Variants in NR6A1 observed in about 807,000 individuals in gnomAD.
NR6A1 encodes the protein retinoic acid receptor-related testis-associated receptor.
Under a neutral mutation model 59.1 loss-of-function variants are expected in NR6A1, and 7 were observed. The observed-to-expected ratio is 0.12, with a 90% confidence interval of 0.07 to 0.22. The LOEUF (loss-of-function observed/expected upper bound fraction) is 0.22, where lower values mean the gene tolerates loss of function less well. Among genes scored for constraint, NR6A1 ranks in the 10% least tolerant of loss-of-function variants. NR6A1 has a pLI of 1.00. For missense variants in NR6A1, 468 were observed against 611.6 expected (o/e 0.77, Z 2.48); for synonymous variants, 243 against 236.1 (o/e 1.03, Z -0.27).
At chr9:124,706,308 G>GA (rs1189676076) in intron 2 of NR6A1, among the ~76,000 whole-genome samples, 1 of 152,048 alleles carries the variant, frequency 6.6e-6, no homozygotes, top group African/African-American at 2.4e-5. Context: ...AAATTGAGAA[G>GA]AAAAAACATA....
chr9:124,570,134 T>C (rs1043822821), intron 2 of NR6A1, among the ~76,000 whole-genome samples: 1 of 152,254 alleles, frequency 6.6e-6, no homozygotes, highest in African/African-American at 2.4e-5. Flanking sequence ...GTTCACCTTA[T>C]CTTAAGTAAA....
At chr9:124,769,746 G>C (rs1442190856) in intron 1 of NR6A1, among the ~76,000 whole-genome samples, 2 of 152,208 alleles carry the variant, frequency 1.3e-5, no homozygotes, top group African/African-American at 2.4e-5. Flanking sequence ...GTGGAAAACA[G>C]GGCAAATAAA....
At chr9:124,739,749 T>G (rs141440117) in intron 1 of NR6A1, among the ~76,000 whole-genome samples, 1 of 152,236 alleles carries the variant, frequency 6.6e-6, no homozygotes, top group African/African-American at 2.4e-5. Context: ...AAATTTACCA[T>G]GACAGAAACT....
At chr9:124,598,775 C>A in intron 2 of NR6A1, 1 of 916,884 alleles carries the variant, frequency 1.1e-6, no homozygotes, top group South Asian at 1.3e-5. Context: ...CTAGCTTTTC[C>A]GCCACTTTTT....
intron 2 of NR6A1, among the ~76,000 whole-genome samples, chr9:124,700,997 G>A (rs774962778): frequency 3.9e-5 from 6 of 152,058 alleles, no homozygotes; most frequent in Non-Finnish European, 7.3e-5. Context: ...CTGACCTCAG[G>A]TGACCCACCC....
chr9:124,584,044 T>C (rs1269743705), intron 2 of NR6A1, among the ~76,000 whole-genome samples: 1 of 151,716 alleles, frequency 6.6e-6, no homozygotes, highest in Non-Finnish European at 1.5e-5. Context: ...CTAGTGAACA[T>C]CAGTTGAATG....
chr9:124,583,608 G>C (rs944598943), intron 2 of NR6A1, among the ~76,000 whole-genome samples: 1 of 152,140 alleles, frequency 6.6e-6, no homozygotes, highest in African/African-American at 2.4e-5. Context: ...GTTCTCTCTA[G>C]GGTTTCCCTT....
intron 1 of NR6A1, among the ~76,000 whole-genome samples, chr9:124,736,599 T>C (rs1186795087): frequency 6.6e-6 from 1 of 152,062 alleles, no homozygotes; most frequent in Non-Finnish European, 1.5e-5. Context: ...ATCCCAGCAC[T>C]TTGGGAAGCC....
rs974374962 is a variant in NR6A1 at position 124,771,135 on chromosome 9, G to A, written c.-16C>T. ...CCCGCTCCATGCGGTGGTGCCTAGGGTCCGCGCCGGGTTTGTTGCTCCGCC... is the reference window on the plus strand; with the variant it reads ...CCCGCTCCATGCGGTGGTGCCTAGGATCCGCGCCGGGTTTGTTGCTCCGCC... On this transcript the variant is annotated 5_prime_UTR_variant, in exon 1 of 10. Transcript: ENST00000487099. The A allele has an allele frequency of 8.2e-6, 10 of 1,213,890 alleles. No individual in the cohort carries two copies. Among genetic ancestry groups the A allele is most frequent in the Middle Eastern group, 2.8e-4 (1 of 3,634 alleles). 75.2% of individuals were successfully genotyped at this position (1,213,890 alleles called of 1,614,324 possible).
Position 124,634,528 on chromosome 9 carries a change from A to T in NR6A1, c.143-79958T>A, listed in dbSNP as rs528165219. ...TTTTCTTGCTTTTATTTTTTTTAAGAGACTTTATTTCTGCCGGGCACGGTA... is the reference window on the plus strand; with the variant it reads ...TTTTCTTGCTTTTATTTTTTTTAAGTGACTTTATTTCTGCCGGGCACGGTA... On this transcript the variant is annotated intron_variant, in intron 2 of 9. Transcript: ENST00000487099. 6.6e-5 allele frequency among the ~76,000 whole-genome samples: 10 copies of T among 151,940 alleles called. No homozygotes were observed. In the East Asian group the frequency reaches 1.9e-3, roughly 29 times the overall value.
chr9:124,757,035 C>T (rs1188609136), intron 1 of NR6A1, among the ~76,000 whole-genome samples: 1 of 151,844 alleles, frequency 6.6e-6, no homozygotes, highest in African/African-American at 2.4e-5. Flanking sequence ...TCTCTCACCC[C>T]AAAATGATAA....
intron 7 of NR6A1, among the ~76,000 whole-genome samples, chr9:124,531,433 C>G (rs150027441): frequency 2.2e-4 from 34 of 152,292 alleles, no homozygotes; most frequent in African/African-American, 7.5e-4. Flanking sequence ...AAAGCCTTTC[C>G]ATGACAGCAG....
chr9:124,531,154 T>C (rs1194058772), intron 7 of NR6A1, among the ~76,000 whole-genome samples: 2 of 152,240 alleles, frequency 1.3e-5, no homozygotes, highest in African/African-American at 4.8e-5. Context: ...GCAGGGAAGC[T>C]GGGAGGCAAC....
rs936098254 is a variant in NR6A1, at chr9:124,728,354, G to A, written c.142+4954C>T. Among the ~76,000 whole-genome samples the A allele has an allele frequency of 2.2e-4, 33 of 151,866 alleles. 1 individual carries two copies. Among genetic ancestry groups the A allele is most frequent in the Admixed American group, 1.7e-3 (26 of 15,264 alleles). On this transcript the variant is annotated intron_variant, in intron 2 of 9. Transcript: ENST00000487099. ...ATGACTTCATTTTTAAAGTACTTGC[G>A]GCCAGGCACGGTGGCTCACGCCTGT...
intron 4 of NR6A1, 137 bp from the exon 5 acceptor site, chr9:124,540,324 T>C: frequency 2.2e-6 from 2 of 928,366 alleles, no homozygotes; most frequent in Non-Finnish European, 3.2e-6. Context: ...ATTCCGGGCC[T>C]CTCACTAATC....
chr9:124,647,653 G>A (rs2130914474), intron 2 of NR6A1, among the ~76,000 whole-genome samples: 1 of 151,022 alleles, frequency 6.6e-6, no homozygotes, highest in Non-Finnish European at 1.5e-5. Flanking sequence ...CTTGAACCTG[G>A]GAATCGGAGG....
At chr9:124,674,622 T>C (rs1837897890) in intron 2 of NR6A1, among the ~76,000 whole-genome samples, 1 of 152,134 alleles carries the variant, frequency 6.6e-6, no homozygotes, top group South Asian at 2.1e-4. Context: ...ATAACAGAGG[T>C]ACACATGCTT....
At chr9:124,599,574 CCGCCATGAGGG>C in intron 2 of NR6A1, 4 of 1,053,868 alleles carry the variant, frequency 3.8e-6, no homozygotes. Context: ...TCCGTGGCAG[CCGCCATGAGGG>C]CGCGGCGGCG....
At chr9:124,675,388 C>T (rs929669292) in intron 2 of NR6A1, among the ~76,000 whole-genome samples, 1 of 152,206 alleles carries the variant, frequency 6.6e-6, no homozygotes, top group South Asian at 2.1e-4. Flanking sequence ...AGCACATTGC[C>T]TGGCACACAC....
Sources: allele counts gnomAD v4.1 joint callset (sites outside exome capture counted in the v4.1 genomes callset), GRCh38; gene constraint gnomAD v4.1.1; transcripts MANE v1.5; gene names NCBI Gene and HGNC (gene_info 2026-07-23, HGNC 2026-07-21).